The following KAT6B variants were observed in gnomAD, a reference collection of about 807,000 sequenced individuals.
The protein encoded by KAT6B is histone acetyltransferase KAT6B.
Under a neutral mutation model 187.5 loss-of-function variants are expected in KAT6B, and 10 were observed. The ratio of observed to expected loss-of-function variants is 0.05; its 90% CI spans 0.03 to 0.09. The LOEUF (loss-of-function observed/expected upper bound fraction) is 0.09, where lower values mean the gene tolerates loss of function less well. KAT6B is among the 10% of genes least tolerant of loss of function. The pLI is 1.00. For missense variants in KAT6B, 1,952 were observed against 2,558.9 expected (o/e 0.76, Z 5.12); for synonymous variants, 861 against 926.8 (o/e 0.93, Z 1.29).
chr10:74,966,151 C>G (rs1473322816), intron 4 of KAT6B, among the ~76,000 whole-genome samples: 1 of 152,202 alleles, frequency 6.6e-6, no homozygotes, highest in African/African-American at 2.4e-5. Flanking sequence ...CGGCTTGCAG[C>G]CCCCTCCCCA....
At chr10:74,921,133 A>C (rs1189343683) in intron 3 of KAT6B, among the ~76,000 whole-genome samples, 2 of 62,610 alleles carry the variant, frequency 3.2e-5, no homozygotes, top group Non-Finnish European at 5.7e-5. Context: ...TTTTTTTTTG[A>C]GATGGAGTTT....
At chr10:74,840,023 A>G (rs1841613612) in intron 2 of KAT6B, among the ~76,000 whole-genome samples, 1 of 152,252 alleles carries the variant, frequency 6.6e-6, no homozygotes, top group Non-Finnish European at 1.5e-5. Context: ...ATGAAATTGA[A>G]CGGTAATAAA....
At chr10:74,834,266 C>T (rs1478984925) in intron 1 of KAT6B, among the ~76,000 whole-genome samples, 2 of 150,222 alleles carry the variant, frequency 1.3e-5, no homozygotes, top group Admixed American at 6.6e-5. Context: ...GGCGCGATCT[C>T]GGCTCACTGC....
intron 3 of KAT6B, among the ~76,000 whole-genome samples, chr10:74,846,537 C>T (rs1970523): frequency 0.11 from 16,243 of 152,056 alleles, 1,221 homozygotes; most frequent in South Asian, 0.28. Context: ...CTCCCAGGTT[C>T]AAGTGATTTC....
At chr10:74,994,812 A>AG (rs1266728177) in intron 13 of KAT6B, among the ~76,000 whole-genome samples, 1 of 152,010 alleles carries the variant, frequency 6.6e-6, no homozygotes, top group East Asian at 1.9e-4. Flanking sequence ...TTAAAAAAAA[A>AG]AAAAAAAATG....
intron 3 of KAT6B, among the ~76,000 whole-genome samples, chr10:74,887,831 A>G (rs1036099472): frequency 2.0e-5 from 3 of 150,152 alleles, no homozygotes; most frequent in Non-Finnish European, 4.4e-5. Flanking sequence ...ACATAGCAAG[A>G]CCCCACCTCA....
intron 3 of KAT6B, among the ~76,000 whole-genome samples, chr10:74,863,807 A>T (rs1037324045): frequency 3.3e-5 from 5 of 152,126 alleles, no homozygotes; most frequent in African/African-American, 1.2e-4. Flanking sequence ...TCTTTCAACC[A>T]CATTTAGTCT....
At chr10:74,828,007 T>C (rs1420565799) in intron 1 of KAT6B, among the ~76,000 whole-genome samples, 3 of 152,076 alleles carry the variant, frequency 2.0e-5, no homozygotes, top group African/African-American at 7.2e-5. Flanking sequence ...CAAGGGAGTG[T>C]CCGGCAGCAG....
chr10:74,929,327 G>A (rs1343888819), intron 3 of KAT6B, among the ~76,000 whole-genome samples: 1 of 152,164 alleles, frequency 6.6e-6, no homozygotes, highest in Non-Finnish European at 1.5e-5. Context: ...ATGTTTCCAG[G>A]TGCTCTGTTT....
chr10:74,861,400 AGAAT>A (rs1429075719), intron 3 of KAT6B, among the ~76,000 whole-genome samples: 1 of 152,262 alleles, frequency 6.6e-6, no homozygotes, highest in Non-Finnish European at 1.5e-5. Context: ...TGAAATTTTA[AGAAT>A]GAATAATAAC....
chr10:74,879,500 G>GA (rs1844690190), intron 3 of KAT6B, among the ~76,000 whole-genome samples: 1 of 152,222 alleles, frequency 6.6e-6, no homozygotes, highest in Non-Finnish European at 1.5e-5. Flanking sequence ...GATACTGGAA[G>GA]AAGAGCTCCA....
At chr10:74,847,370 C>T (rs773537184) in intron 3 of KAT6B, among the ~76,000 whole-genome samples, 4 of 152,126 alleles carry the variant, frequency 2.6e-5, no homozygotes, top group Admixed American at 6.6e-5. Flanking sequence ...AATGAAATAG[C>T]ATTTTTTTCC....
chr10:74,974,358 A>G (rs183131389), intron 7 of KAT6B, among the ~76,000 whole-genome samples: 13 of 152,364 alleles, frequency 8.5e-5, no homozygotes, highest in Non-Finnish European at 1.6e-4. Context: ...AGATATTTTT[A>G]TAATTCAGTA....
At chr10:74,950,212 A>C (rs1316827038) in intron 3 of KAT6B, among the ~76,000 whole-genome samples, 2 of 152,208 alleles carry the variant, frequency 1.3e-5, no homozygotes, top group Non-Finnish European at 2.9e-5. Context: ...ACTTATGTCC[A>C]ATTCATGATG....
Position 75,030,715 on chromosome 10 carries a change from G to A in KAT6B, c.5891G>A (p.Gly1964Asp). 1 of 1,614,236 alleles carries A rather than the reference G, an allele frequency of 6.2e-7. No individual in the cohort carries two copies. The highest frequency in any genetic ancestry group is 8.5e-7 in the Non-Finnish European group (1 of 1,180,042). The change falls in exon 18 of 18, where the codon GGC becomes GAC. Residue 1964 changes from glycine (G) to aspartate (D), a missense_variant. Transcript: ENST00000287239. This position sits in a 1 kb window ranked among gnomAD's most constrained non-coding sequence, Gnocchi z 4.8. Reference protein sequence around the residue: ...GPARTLTMQRGMNMSVNLMPA... With the variant: ...GPARTLTMQRDMNMSVNLMPA... The stretch of plus-strand genomic sequence containing the variant: ...GCACGGACTTTAACGATGCAAAGAG[G>A]CATGAACATGAGTGTGAACCTGATG...
At chr10:74,904,471 T>TC (rs2132812953) in intron 3 of KAT6B, among the ~76,000 whole-genome samples, 2 of 152,324 alleles carry the variant, frequency 1.3e-5, no homozygotes, top group East Asian at 3.9e-4. Flanking sequence ...CTGGAAAATC[T>TC]CCCACACACT....
intron 3 of KAT6B, among the ~76,000 whole-genome samples, chr10:74,921,145 G>C (rs1167202495): frequency 1.3e-5 from 1 of 75,854 alleles, no homozygotes; most frequent in Admixed American, 1.9e-4. Flanking sequence ...ATGGAGTTTT[G>C]CCCTTGTTGC....
rs533423215 is a variant in KAT6B, at chr10:74,973,928, G to A, written c.1061+1289G>A. 2.6e-4 allele frequency among the ~76,000 whole-genome samples: 39 copies of A among 152,270 alleles called. No individual in the cohort carries two copies. The East Asian group carries it at 6.6e-3, about 26-fold the overall frequency. On this transcript the variant is annotated intron_variant, in intron 7 of 17. Transcript: ENST00000287239. ...AACTTTCTAAACAGAGGACACAGCT[G>A]AAAATTGCATCTGGCACCAATCCTA... is the stretch of plus-strand genomic sequence containing the variant.
chr10:74,945,274 C>T (rs1039247871), intron 3 of KAT6B, among the ~76,000 whole-genome samples: 133 of 152,046 alleles, frequency 8.7e-4, no homozygotes, highest in Non-Finnish European at 2.4e-4. Context: ...TAAAAGAGTA[C>T]GGATTGTATG....
Sources: gnomAD v4.1 joint callset for allele counts (sites outside exome capture counted in the v4.1 genomes callset) on GRCh38, gnomAD v4.1.1 for gene constraint, Gnocchi (gnomAD v3.1) non-coding constraint, MANE v1.5 for transcripts, NCBI Gene and HGNC (gene_info 2026-07-23, HGNC 2026-07-21) for gene names.